Variants in ABR observed in about 807,000 individuals in gnomAD.
ABR encodes active breakpoint cluster region-related protein.
A neutral mutation model predicts 107.2 loss-of-function variants in ABR; 35 were observed. The observed-to-expected ratio is 0.33, with a 90% CI of 0.25 to 0.43. The LOEUF (loss-of-function observed/expected upper bound fraction) is 0.43. ABR is among the 20% of genes least tolerant of loss of function. The probability of loss-of-function intolerance (pLI) is 1.00; values close to 1 mark genes in which losing one functional copy is unlikely to be tolerated. For synonymous variants in ABR, 498 were observed against 462.0 expected (o/e 1.08, Z -1.00); for missense variants, 815 against 1,115.2 (o/e 0.73, Z 3.83).
chr17:1,025,252 C>T (rs1427473948), intron 16 of ABR, among the ~76,000 whole-genome samples: 3 of 151,720 alleles, frequency 2.0e-5, no homozygotes, highest in African/African-American at 7.3e-5. Flanking sequence ...GCCGAGATCG[C>T]GCCATTGCAC....
chr17:1,070,517 T>C lies in ABR; in HGVS notation c.895-427A>G, dbSNP rs562751760. 1.5e-3 allele frequency among the ~76,000 whole-genome samples: 233 copies of C among 152,144 alleles called. 1 individual carries two copies. Among genetic ancestry groups the C allele is most frequent in the Middle Eastern group, 6.8e-3 (2 of 294 alleles). On this transcript the variant is annotated intron_variant, in intron 8 of 22. Coordinates refer to ENST00000302538, the MANE Select transcript of ABR (RefSeq NM_021962.5). The surrounding 1 kb of genome is among the most constrained non-coding windows in gnomAD (Gnocchi z 4.2). Reference sequence around the variant, plus strand: ...CACCCTGGGGCACGAACATCCCCGTTTGCAATCCCTCCCGACCGCGGCGGC... The same window carrying C: ...CACCCTGGGGCACGAACATCCCCGTCTGCAATCCCTCCCGACCGCGGCGGC...
chr17:1,164,443 C>T (rs1371221837), intron 1 of ABR, among the ~76,000 whole-genome samples: 1 of 146,464 alleles, frequency 6.8e-6, no homozygotes, highest in African/African-American at 2.6e-5. Flanking sequence ...ACATGGATGT[C>T]GGAGCATCTA....
chr17:1,058,387 G>A (rs1322783467), intron 11 of ABR, among the ~76,000 whole-genome samples: 2 of 152,148 alleles, frequency 1.3e-5, no homozygotes, highest in African/African-American at 4.8e-5. Context: ...TGATTCGCCT[G>A]CCTCAGCCTC....
At position 1,200,260 on chromosome 17, in the gene ABR, G is replaced by T. The variant is rs867843287; in HGVS notation, c.838+28533C>A. Reference sequence around the variant, plus strand: ...ACCTAGAGATAAGTTAAAGTACACGGGGGTCGGGGGCAGGCATGGTGACTC... The same window carrying T: ...ACCTAGAGATAAGTTAAAGTACACGTGGGTCGGGGGCAGGCATGGTGACTC... On this transcript the variant is annotated intron_variant, in intron 1 of 22. Transcript: ENST00000574139. The surrounding 1 kb of genome is among the most constrained non-coding windows in gnomAD (Gnocchi z 4.1). Among the ~76,000 whole-genome samples the T allele has an allele frequency of 1.1e-4, 17 of 152,194 alleles. No individual in the cohort carries two copies. The South Asian group carries it at 1.5e-3, about 13-fold the overall frequency.
chr17:1,153,075 A>G (rs1289044820), intron 1 of ABR, among the ~76,000 whole-genome samples: 7 of 152,120 alleles, frequency 4.6e-5, no homozygotes, highest in Non-Finnish European at 4.4e-5. Context: ...TCCGTTAAAA[A>G]AAAAATTTTT....
chr17:1,044,650 C>CA (rs3031691), intron 16 of ABR, among the ~76,000 whole-genome samples: 6,366 of 144,660 alleles, frequency 0.044, 273 homozygotes, highest in African/African-American at 0.098. Flanking sequence ...GACCCCATCT[C>CA]AAAAAAAAAA....
rs1409003700 is a variant in ABR, at chr17:1,148,232, G to A, written c.62-22865C>T. ...TGGATGAATGGATACACAAAACGCG[G>A]CCTTTACATAAAACGGATATTATTC... On this transcript the variant is annotated intron_variant, in intron 1 of 22. Transcript: ENST00000302538. This position sits in a 1 kb window ranked among gnomAD's most constrained non-coding sequence, Gnocchi z 4.9. 6.6e-6 allele frequency among the ~76,000 whole-genome samples: 1 copy of A among 152,340 alleles called. No homozygotes were observed. Among genetic ancestry groups the A allele is most frequent in the East Asian group, 1.9e-4 (1 of 5,196 alleles).
chr17:1,058,598 G>C, intron 11 of ABR, 147 bp downstream of exon 11: 1 of 1,084,576 alleles, frequency 9.2e-7, no homozygotes, highest in South Asian at 1.7e-5. Flanking sequence ...AGAGGGGAGA[G>C]CGAGTCAACA....
intron 1 of ABR, among the ~76,000 whole-genome samples, chr17:1,204,895 CTTTTTCTTTTTT>C (rs1428397897): frequency 1.3e-4 from 9 of 70,320 alleles, no homozygotes; most frequent in African/African-American, 3.4e-4. Flanking sequence ...TTTTCTTTTT[CTTTTTCTTTTTT>C]TTTTTTTTTT....
intron 5 of ABR, 100 bp downstream of exon 5, chr17:1,083,420 C>A (rs1205361746): frequency 2.6e-6 from 2 of 758,528 alleles, no homozygotes; most frequent in Admixed American, 2.5e-5. Context: ...ATTAGAGTAA[C>A]CACTTCACCG....
intron 3 of ABR, among the ~76,000 whole-genome samples, chr17:1,096,301 T>C (rs951985201): frequency 3.9e-5 from 6 of 152,068 alleles, no homozygotes; most frequent in Non-Finnish European, 7.4e-5. Context: ...TATCAGGAAG[T>C]GTTCAGATGA....
chr17:1,225,386 C>T (rs1307720121), intron 1 of ABR, among the ~76,000 whole-genome samples: 2 of 152,082 alleles, frequency 1.3e-5, no homozygotes, highest in Admixed American at 6.6e-5. Flanking sequence ...GGCACAGTGG[C>T]TCAGGCCTGT....
chr17:1,201,894 C>G (rs534928841), intron 1 of ABR, among the ~76,000 whole-genome samples: 1 of 152,238 alleles, frequency 6.6e-6, no homozygotes, highest in African/African-American at 2.4e-5. Context: ...AGCCAGGATG[C>G]TCTCGATCTC....
At chr17:1,012,376 G>A (rs543590260) in intron 18 of ABR, 8 of 655,896 alleles carry the variant, frequency 1.2e-5, no homozygotes, top group Admixed American at 6.2e-5. Context: ...CCGAGGGGCC[G>A]CCAGTCCCCG....
At chr17:1,207,851 C>G (rs1056330785) in intron 1 of ABR, among the ~76,000 whole-genome samples, 2 of 151,718 alleles carry the variant, frequency 1.3e-5, no homozygotes, top group African/African-American at 4.8e-5. Context: ...CTCACTGCAA[C>G]CTCCGCCTCC....
intron 16 of ABR, among the ~76,000 whole-genome samples, chr17:1,046,039 T>A (rs1396350525): frequency 2.0e-5 from 3 of 151,934 alleles, no homozygotes; most frequent in Non-Finnish European, 4.4e-5. Flanking sequence ...CCTGGCTAAT[T>A]TTTGTTTTTT....
chr17:1,015,155 G>A (rs544615192), intron 16 of ABR, among the ~76,000 whole-genome samples: 3 of 152,142 alleles, frequency 2.0e-5, no homozygotes, highest in East Asian at 3.9e-4. Flanking sequence ...GGTGGCTCAC[G>A]CCTGTAATCC....
At chr17:1,201,483 G>A (rs1190445651) in intron 1 of ABR, among the ~76,000 whole-genome samples, 1 of 152,002 alleles carries the variant, frequency 6.6e-6, no homozygotes, top group African/African-American at 2.4e-5. Context: ...TGTATAACAC[G>A]GGTACACACA....
In ABR at chr17:1,179,434, CCCCGCCCGCGCCCCCCAGA is replaced by C. The variant is rs2042039965; in HGVS notation, c.61+214_61+232del. 6.6e-6 allele frequency among the ~76,000 whole-genome samples: 1 copy of C among 151,942 alleles called. No individual in the cohort carries two copies. ...ACCGCAGGAATCCTCTCTGGGGACC[CCCCGCCCGCGCCCCCCAGA>C]CCAGCCCGGCTCCTGGGTCCCGACC... On this transcript the variant is annotated intron_variant, in intron 1 of 22. Coordinates refer to ENST00000302538, the MANE Select transcript of ABR (RefSeq NM_021962.5). This position sits in a 1 kb window ranked among gnomAD's most constrained non-coding sequence, Gnocchi z 4.9.
Sources: gnomAD v4.1 joint callset for allele counts (sites outside exome capture counted in the v4.1 genomes callset) on GRCh38, gnomAD v4.1.1 for gene constraint, Gnocchi (gnomAD v3.1) non-coding constraint, MANE v1.5 for transcripts, NCBI Gene and HGNC (gene_info 2026-07-23, HGNC 2026-07-21) for gene names.